The following STS variants were observed in gnomAD, a reference collection of about 807,000 sequenced individuals.
STS encodes the protein steroid sulfatase.
In STS, 7 loss-of-function variants were observed where a neutral mutation model predicts 26.8. The ratio of observed to expected loss-of-function variants is 0.26; its 90% CI spans 0.15 to 0.49. The LOEUF is 0.49. STS is among the 20% of genes least tolerant of loss of function. The pLI is 0.98. For synonymous variants in STS, 199 were observed against 189.4 expected (o/e 1.05, Z -0.42); for missense variants, 434 against 465.6 (o/e 0.93, Z 0.63).
At chrX:7,258,374 G>A (rs1159649386) in intron 5 of STS, among the ~76,000 whole-genome samples, 13 of 110,944 alleles carry the variant, frequency 1.2e-4, no homozygotes, top group African/African-American at 3.9e-4. Flanking sequence ...GCAATTGGAT[G>A]GATGAAATAG....
At chrX:7,152,135 G>A (rs1299904172) in intron 1 of STS, among the ~76,000 whole-genome samples, 1 of 109,166 alleles carries the variant, frequency 9.2e-6, no homozygotes, top group African/African-American at 3.4e-5. Context: ...TGTATTTTTA[G>A]TAGAGACGGG....
chrX:7,163,558 A>G lies in STS; in HGVS notation c.-134+15475A>G, dbSNP rs547262267. Among the ~76,000 whole-genome samples, 151 of 112,248 alleles carry G rather than the reference A, an allele frequency of 1.3e-3. 2 individuals are homozygous for G. In the South Asian group the frequency reaches 0.054, roughly 40 times the overall value. ...CTATCCACATCCAAGTGACTTGGCC[A>G]AGGTTCTGTTCAGCATAGGTGGCTT... On this transcript the variant is annotated intron_variant, in intron 1 of 10. Transcript: ENST00000674429.
At chrX:7,204,446 G>A (rs922096667) in intron 2 of STS, among the ~76,000 whole-genome samples, 2 of 110,130 alleles carry the variant, frequency 1.8e-5, no homozygotes, top group African/African-American at 3.3e-5. Flanking sequence ...ATTAGATGTT[G>A]ATTATTTTCT....
At chrX:7,271,140 CT>C (rs1569208254) in intron 6 of STS, among the ~76,000 whole-genome samples, 1 of 110,697 alleles carries the variant, frequency 9.0e-6, no homozygotes, top group Non-Finnish European at 1.9e-5. Context: ...CACTCACATC[CT>C]GTATGACCAT....
intron 8 of STS, among the ~76,000 whole-genome samples, chrX:7,309,570 A>G (rs1315726848): frequency 1.1e-5 from 1 of 93,348 alleles, no homozygotes; most frequent in Non-Finnish European, 2.1e-5. Context: ...AAATAAATAA[A>G]TAAAATAAAA....
intron 1 of STS, among the ~76,000 whole-genome samples, chrX:7,176,643 C>CA (rs34099558): frequency 0.31 from 34,344 of 110,547 alleles, 4,055 homozygotes; most frequent in Middle Eastern, 0.45. Flanking sequence ...GAAGGGGAAG[C>CA]AACATGTCCT....
In STS at chrX:7,174,965, G is replaced by A. The variant is rs925775986; in HGVS notation, c.-133-15915G>A. Among the ~76,000 whole-genome samples the A allele has an allele frequency of 4.5e-4, 50 of 110,831 alleles. 1 individual carries two copies. The highest frequency in any genetic ancestry group is 6.8e-4 in the Admixed American group (7 of 10,312). On this transcript the variant is annotated intron_variant, in intron 1 of 10. Transcript: ENST00000674429. The stretch of plus-strand genomic sequence containing the variant: ...TCATGTCTACTGACATCTAACTGGC[G>A]TTGGCGTCTTCTGGAACTTCTTTTC...
intron 8 of STS, among the ~76,000 whole-genome samples, chrX:7,321,287 GA>G (rs1462917020): frequency 8.1e-5 from 9 of 111,499 alleles, no homozygotes; most frequent in African/African-American, 2.6e-4. Context: ...TGGAGGGAAA[GA>G]GGAGGAGGGA....
intron 10 of STS, among the ~76,000 whole-genome samples, chrX:7,348,257 G>A (rs1274355366): frequency 1.8e-5 from 2 of 111,931 alleles, no homozygotes; most frequent in African/African-American, 6.5e-5. Flanking sequence ...GCGATTTGGG[G>A]ACAACACATG....
rs1258511937 is a variant in STS, at chrX:7,317,531, T to TAG, written c.1082-7808_1082-7807insAG. On this transcript the variant is annotated intron_variant, in intron 8 of 10. Coordinates refer to ENST00000674429, the MANE Select transcript of STS (RefSeq NM_001320752.2). The stretch of plus-strand genomic sequence containing the variant: ...TCACCCAGGCTAGGGTGCAGTGGCG[T>TAG]GATCACAGCTCACTATGGCCTCAAC... Among the ~76,000 whole-genome samples the TAG allele has an allele frequency of 7.1e-5, 8 of 111,920 alleles. No individual in the cohort carries two copies. The South Asian group carries it at 3.0e-3, about 42-fold the overall frequency.
At chrX:7,212,367 G>A (rs1343515965) in intron 2 of STS, among the ~76,000 whole-genome samples, 4 of 111,285 alleles carry the variant, frequency 3.6e-5, no homozygotes, top group African/African-American at 1.3e-4. Context: ...AGCTACTCTG[G>A]AGACTGAGGC....
chrX:7,234,975 C>T (rs1922245438), intron 2 of STS, among the ~76,000 whole-genome samples: 1 of 112,087 alleles, frequency 8.9e-6, no homozygotes, highest in African/African-American at 3.2e-5. Context: ...GTGCCAAGAA[C>T]TCTCCAAATA....
At chrX:7,206,347 A>C (rs802883) in intron 2 of STS, among the ~76,000 whole-genome samples, 36,160 of 110,992 alleles carry the variant, frequency 0.33, 4,391 homozygotes, top group Middle Eastern at 0.46. Flanking sequence ...CCTCACCTTG[A>C]TCTTCGCAGC....
intron 8 of STS, among the ~76,000 whole-genome samples, chrX:7,324,495 T>C (rs191708674): frequency 1.8e-5 from 2 of 112,049 alleles, no homozygotes; most frequent in African/African-American, 6.5e-5. Context: ...GACAGCTTTG[T>C]GGGGCTATTT....
intron 1 of STS, among the ~76,000 whole-genome samples, chrX:7,176,831 T>C (rs1444055343): frequency 9.0e-6 from 1 of 111,616 alleles, no homozygotes; most frequent in Non-Finnish European, 1.9e-5. Flanking sequence ...TTATGGGAAC[T>C]ATAATTCAAG....
At chrX:7,336,471 G>A (rs972429732) in intron 10 of STS, among the ~76,000 whole-genome samples, 1 of 111,828 alleles carries the variant, frequency 8.9e-6, no homozygotes, top group African/African-American at 3.3e-5. Context: ...CCAGGTTTAT[G>A]CTTCAGAGTT....
At chrX:7,219,372 C>T (rs1237304752) in intron 2 of STS, 5 of 995,108 alleles carry the variant, frequency 5.0e-6, no homozygotes, top group East Asian at 4.1e-5. Flanking sequence ...CTGAAGAATC[C>T]GGTTTACCAG....
intron 8 of STS, among the ~76,000 whole-genome samples, chrX:7,317,716 A>G (rs1362873370): frequency 9.0e-6 from 1 of 111,000 alleles, no homozygotes; most frequent in Non-Finnish European, 1.9e-5. Context: ...TGATCCTCCT[A>G]CCTCAGTCTC....
At chrX:7,202,104 G>A (rs1222489125) in intron 2 of STS, among the ~76,000 whole-genome samples, 1 of 111,586 alleles carries the variant, frequency 9.0e-6, no homozygotes, top group African/African-American at 3.3e-5. Context: ...GAATACATCT[G>A]TGTGTATATA....
Sources: gnomAD v4.1 joint callset for allele counts (sites outside exome capture counted in the v4.1 genomes callset) on GRCh38, gnomAD v4.1.1 for gene constraint, MANE v1.5 for transcripts, NCBI Gene and HGNC (gene_info 2026-07-23, HGNC 2026-07-21) for gene names.